Variants in DLG2 observed in about 807,000 individuals in gnomAD.
DLG2 encodes discs large MAGUK scaffold protein 2.
In DLG2, 45 loss-of-function variants were observed where a neutral mutation model predicts 132.5. The observed-to-expected ratio is 0.34, with a 90% CI of 0.27 to 0.44. The LOEUF is 0.44. Ranked by LOEUF, DLG2 falls within the 20% of genes least tolerant of loss-of-function variation. The pLI is 1.00. For synonymous variants in DLG2, 424 were observed against 419.6 expected (o/e 1.01, Z -0.13); for missense variants, 1,045 against 1,196.9 (o/e 0.87, Z 1.87).
At chr11:84,524,525 A>C (rs1353487754) in intron 7 of DLG2, among the ~76,000 whole-genome samples, 1 of 152,236 alleles carries the variant, frequency 6.6e-6, no homozygotes, top group Non-Finnish European at 1.5e-5. Context: ...TGTGCTGTGC[A>C]CAAGTCACAA....
chr11:84,460,302 A>G (rs892186659), intron 7 of DLG2, among the ~76,000 whole-genome samples: 6 of 150,634 alleles, frequency 4.0e-5, no homozygotes, highest in Non-Finnish European at 6.0e-5. Context: ...AGGGTAGGCC[A>G]TAGAATTATT....
intron 21 of DLG2, among the ~76,000 whole-genome samples, chr11:83,505,767 C>T (rs1211404289): frequency 2.0e-5 from 3 of 152,200 alleles, no homozygotes; most frequent in Non-Finnish European, 4.4e-5. Context: ...GGGAAGATTT[C>T]CCTTCATGGC....
chr11:84,290,553 T>C (rs1009348799), intron 7 of DLG2, among the ~76,000 whole-genome samples: 5 of 152,116 alleles, frequency 3.3e-5, no homozygotes, highest in Admixed American at 2.0e-4. Flanking sequence ...GGAAAATGAT[T>C]TAACATTGAT....
At chr11:84,622,334 G>A (rs1046528559) in intron 6 of DLG2, among the ~76,000 whole-genome samples, 3 of 152,174 alleles carry the variant, frequency 2.0e-5, no homozygotes, top group African/African-American at 7.2e-5. Flanking sequence ...AGGAGCATAT[G>A]ACTGTATAGA....
intron 8 of DLG2, among the ~76,000 whole-genome samples, chr11:84,196,412 C>T (rs79602990): frequency 0.039 from 5,922 of 152,148 alleles, 174 homozygotes; most frequent in Non-Finnish European, 0.06. Flanking sequence ...AAGTGTTGAG[C>T]GGCCAAAACA....
At chr11:84,827,246 G>T (rs988741550) in intron 6 of DLG2, among the ~76,000 whole-genome samples, 1 of 151,672 alleles carries the variant, frequency 6.6e-6, no homozygotes, top group Non-Finnish European at 1.5e-5. Context: ...TCACTACACC[G>T]TGTTCGAGGG....
At chr11:84,216,679 A>G (rs1319374638) in intron 8 of DLG2, among the ~76,000 whole-genome samples, 2 of 152,186 alleles carry the variant, frequency 1.3e-5, no homozygotes, top group African/African-American at 4.8e-5. Flanking sequence ...TGTGCAATGG[A>G]AAGCATGAAG....
chr11:84,295,108 T>C (rs548254841), intron 7 of DLG2, among the ~76,000 whole-genome samples: 11 of 152,174 alleles, frequency 7.2e-5, no homozygotes, highest in Non-Finnish European at 1.5e-4. Context: ...CAGGCTTGCA[T>C]AAAATTAGTA....
intron 6 of DLG2, among the ~76,000 whole-genome samples, chr11:84,983,458 A>G (rs1009487810): frequency 6.6e-6 from 1 of 152,138 alleles, no homozygotes; most frequent in African/African-American, 2.4e-5. Flanking sequence ...TAATACATCA[A>G]GGAAACACCT....
intron 18 of DLG2, among the ~76,000 whole-genome samples, chr11:83,682,626 C>G (rs1052014174): frequency 5.9e-5 from 9 of 152,126 alleles, no homozygotes; most frequent in Non-Finnish European, 4.4e-5. Context: ...AATGCACATA[C>G]AGCAAGGCGT....
chr11:85,315,881 C>A (rs1173747192), intron 3 of DLG2, among the ~76,000 whole-genome samples: 1 of 151,904 alleles, frequency 6.6e-6, no homozygotes, highest in Non-Finnish European at 1.5e-5. Context: ...TGGAAAAATA[C>A]AAGGATTTCC....
chr11:85,151,931 G>A (rs1057055915), intron 5 of DLG2, among the ~76,000 whole-genome samples: 17 of 152,116 alleles, frequency 1.1e-4, no homozygotes, highest in African/African-American at 4.1e-4. Context: ...AACATATAGA[G>A]ACAAAGGGAT....
intron 4 of DLG2, among the ~76,000 whole-genome samples, chr11:85,195,286 G>A (rs1427950363): frequency 1.3e-5 from 2 of 152,078 alleles, no homozygotes; most frequent in African/African-American, 4.8e-5. Flanking sequence ...GACCAAAGAT[G>A]TTAATGGTGA....
At chr11:85,377,803 A>ATATATATATATATATATATATATGTGTG (rs35141583) in intron 3 of DLG2, among the ~76,000 whole-genome samples, 2 of 131,292 alleles carry the variant, frequency 1.5e-5, no homozygotes, top group Non-Finnish European at 3.2e-5. Flanking sequence ...ATATATATAT[A>ATATATATATATATATATATATATGTGTG]TGTGTGTGTG....
rs1375435220 is a variant in DLG2 at position 85,583,122 on chromosome 11, GTGTGTGTGTATA to G, written c.40+15523_40+15534del. ...TGTGTGTGTGTGTGTGTGTGTGTGT[GTGTGTGTGTATA>G]TATATATATATATATATATATATAT... is the stretch of plus-strand genomic sequence containing the variant. On this transcript the variant is annotated intron_variant, in intron 3 of 27. Coordinates refer to ENST00000376104, the MANE Select transcript of DLG2 (RefSeq NM_001142699.3). Among the ~76,000 whole-genome samples the G allele has an allele frequency of 1.4e-4, 7 of 49,166 alleles. No individual in the cohort carries two copies. In the East Asian group the frequency reaches 2.7e-3, roughly 19 times the overall value. 32.3% of individuals were successfully genotyped at this position (49,166 alleles called of 152,430 possible).
At chr11:84,448,520 A>G (rs1229720925) in intron 7 of DLG2, among the ~76,000 whole-genome samples, 1 of 151,960 alleles carries the variant, frequency 6.6e-6, no homozygotes, top group East Asian at 1.9e-4. Flanking sequence ...ATAAATTTGT[A>G]CCTTTGAACA....
At chr11:85,610,246 G>A (rs756835375) in intron 2 of DLG2, among the ~76,000 whole-genome samples, 11 of 152,212 alleles carry the variant, frequency 7.2e-5, no homozygotes, top group Non-Finnish European at 1.5e-4. Flanking sequence ...AGGAAATGCA[G>A]CAGTGACTGC....
At chr11:84,284,174 C>A (rs765635463) in intron 7 of DLG2, among the ~76,000 whole-genome samples, 2 of 152,124 alleles carry the variant, frequency 1.3e-5, no homozygotes, top group Admixed American at 6.5e-5. Flanking sequence ...GCAGAGGTTG[C>A]GGTGAGCCGA....
At chr11:84,753,128 G>C (rs1438439773) in intron 6 of DLG2, among the ~76,000 whole-genome samples, 2 of 152,044 alleles carry the variant, frequency 1.3e-5, no homozygotes, top group African/African-American at 4.8e-5. Context: ...AAAGATTTTT[G>C]GGCAAGAATA....
Sources: gnomAD v4.1 joint callset for allele counts (sites outside exome capture counted in the v4.1 genomes callset) on GRCh38, gnomAD v4.1.1 for gene constraint, MANE v1.5 for transcripts, NCBI Gene and HGNC (gene_info 2026-07-23, HGNC 2026-07-21) for gene names.